Variants in MAP1LC3A observed in about 807,000 individuals in gnomAD.
MAP1LC3A encodes the protein microtubule associated protein 1 light chain 3 alpha, also known as microtubule-associated protein 1 light chain 3 alpha.
Under a neutral mutation model 15.2 loss-of-function variants are expected in MAP1LC3A, and 10 were observed. That is an observed-to-expected ratio of 0.66 (90% CI 0.41 to 1.12). MAP1LC3A has a LOEUF of 1.12. Among genes scored for constraint, MAP1LC3A ranks in the 50% most tolerant of loss-of-function variants. The probability of loss-of-function intolerance (pLI) is 0.00; values close to 1 mark genes in which losing one functional copy is unlikely to be tolerated. For missense variants in MAP1LC3A, 138 were observed against 167.3 expected (o/e 0.82, Z 0.97); for synonymous variants, 63 against 64.3 (o/e 0.98, Z 0.10).
At chr20:34,552,129 C>T (rs531832852) in intron 2 of MAP1LC3A, among the ~76,000 whole-genome samples, 3 of 152,356 alleles carry the variant, frequency 2.0e-5, no homozygotes, top group Admixed American at 6.5e-5. Flanking sequence ...TCCCCAGTGG[C>T]TGGGATTACA....
chr20:34,550,433 AAAT>A (rs967423459), intron 2 of MAP1LC3A, among the ~76,000 whole-genome samples: 7 of 152,240 alleles, frequency 4.6e-5, no homozygotes, highest in Non-Finnish European at 7.3e-5. Context: ...TCACTTATCC[AAAT>A]AATAATTACT....
upstream of MAP1LC3A, chr20:34,558,471 C>A: frequency 9.9e-7 from 1 of 1,011,210 alleles, no homozygotes; most frequent in Non-Finnish European, 1.2e-6. The surrounding 1 kb of genome is among the most constrained non-coding windows in gnomAD (Gnocchi z 4.3). Context: ...CCCGCTCCAT[C>A]GGCCTAGGGC....
rs565174290 is a variant in MAP1LC3A at position 34,559,925 on chromosome 20, G to T, written c.*27G>T. On this transcript the variant is annotated 3_prime_UTR_variant, in exon 4 of 4. Transcript: ENST00000360668. ...CCAGCAGTAGGGGGGCTCGGCCTGGGAGTCGGGCGGCCCCGGTCAGGCCCT... is the reference window on the plus strand; with the variant it reads ...CCAGCAGTAGGGGGGCTCGGCCTGGTAGTCGGGCGGCCCCGGTCAGGCCCT... 2.4e-5 allele frequency: 39 copies of T among 1,598,006 alleles called. No homozygotes were observed. The South Asian group carries it at 4.2e-4, about 17-fold the overall frequency.
At position 34,559,980 on chromosome 20, in the gene MAP1LC3A, G is replaced by A. The variant is rs1982382338; in HGVS notation, c.*82G>A. Reference sequence around the variant, plus strand: ...AGAGAGCTCCTGGTTCCTGAACTGAGCTGCCTCTACCGTGGTGGGCTGGGC... The same window carrying A: ...AGAGAGCTCCTGGTTCCTGAACTGAACTGCCTCTACCGTGGTGGGCTGGGC... On this transcript the variant is annotated 3_prime_UTR_variant, in exon 4 of 4. Transcript: ENST00000360668. The A allele has an allele frequency of 6.8e-7, 1 of 1,460,024 alleles. No individual in the cohort carries two copies. The allele number at this position is 1,460,024 out of a possible 1,614,324, so 90.4% of individuals were successfully genotyped here.
chr20:34,554,241 A>G (rs1264138177), upstream of MAP1LC3A, among the ~76,000 whole-genome samples: 4 of 152,006 alleles, frequency 2.6e-5, no homozygotes, highest in Non-Finnish European at 4.4e-5. Context: ...GGACCCCTGT[A>G]CAATACTGAA....
chr20:34,547,182 G>A (rs902671167), intron 1 of MAP1LC3A, among the ~76,000 whole-genome samples: 1 of 152,106 alleles, frequency 6.6e-6, no homozygotes, highest in Non-Finnish European at 1.5e-5. Context: ...GGAGTTTGAC[G>A]GGTTCGGCAG....
intron 2 of MAP1LC3A, among the ~76,000 whole-genome samples, chr20:34,552,318 GA>G (rs1460362422): frequency 6.6e-6 from 1 of 152,262 alleles, no homozygotes; most frequent in African/African-American, 2.4e-5. Flanking sequence ...GTTAATGGCA[GA>G]ATGTAACTGG....
upstream of MAP1LC3A, among the ~76,000 whole-genome samples, chr20:34,554,556 T>C (rs887199749): frequency 4.0e-5 from 6 of 151,866 alleles, no homozygotes; most frequent in Non-Finnish European, 7.4e-5. Context: ...GTATTTTTAG[T>C]AGAGACGGGG....
In MAP1LC3A at chr20:34,559,414, C is replaced by T. The variant is rs748807344; in HGVS notation, c.164C>T (p.Pro55Leu). 3 of 1,613,392 alleles carry T rather than the reference C, an allele frequency of 1.9e-6. No homozygotes were observed. Among genetic ancestry groups the T allele is most frequent in the South Asian group, 1.1e-5 (1 of 90,934 alleles). ...CTGGACAAGACCAAGTTTTTGGTCC[C>T]GGACCATGTCAACATGAGCGAGTTG... ...PVLDKTKFLVPDHVNMSELVK... is the reference protein window; with the variant it reads ...PVLDKTKFLVLDHVNMSELVK... The change falls in exon 3 of 4, where the codon CCG (proline) becomes CTG (leucine). Residue 55 changes from proline (P) to leucine (L), a missense_variant. Transcript: ENST00000360668.
Position 34,559,188 on chromosome 20 carries a change from G to T in MAP1LC3A, c.41-20G>T. On this transcript the variant is annotated intron_variant, in intron 1 of 3. Coordinates refer to ENST00000360668, the MANE Select transcript of MAP1LC3A (RefSeq NM_032514.4). ...CTGGGCCGGCCCGACCCGGCCTCACGGTCTGGCCGCTGTCCGCAGCCGACC... is the reference window on the plus strand; with the variant it reads ...CTGGGCCGGCCCGACCCGGCCTCACTGTCTGGCCGCTGTCCGCAGCCGACC... 1.9e-6 allele frequency: 3 copies of T among 1,570,006 alleles called. No homozygotes were observed. Among genetic ancestry groups the T allele is most frequent in the South Asian group, 2.3e-5 (2 of 85,610 alleles).
chr20:34,548,015 G>A (rs894207258), intron 1 of MAP1LC3A, among the ~76,000 whole-genome samples: 2 of 152,148 alleles, frequency 1.3e-5, no homozygotes, highest in South Asian at 4.1e-4. Context: ...GAGGGAGGGG[G>A]GTTCCCGGAG....
At chr20:34,556,970 C>T (rs1396985612), upstream of MAP1LC3A, among the ~76,000 whole-genome samples, 6 of 152,190 alleles carry the variant, frequency 3.9e-5, no homozygotes, top group African/African-American at 1.4e-4. Flanking sequence ...CACAGAGTTC[C>T]TCCTCGCATC....
chr20:34,558,623 T>C, upstream of MAP1LC3A: 1 of 1,218,188 alleles, frequency 8.2e-7, no homozygotes, highest in Non-Finnish European at 1.0e-6. The surrounding 1 kb of genome is among the most constrained non-coding windows in gnomAD (Gnocchi z 4.3). Flanking sequence ...CTCTGCGCCG[T>C]GACGTCACGG....
At chr20:34,557,736 C>CG (rs1982211535), upstream of MAP1LC3A, among the ~76,000 whole-genome samples, 1 of 152,114 alleles carries the variant, frequency 6.6e-6, no homozygotes, top group Admixed American at 6.5e-5. Context: ...ACCATCCTGG[C>CG]CAACATGGTG....
At chr20:34,557,798 G>A (rs969325506), upstream of MAP1LC3A, among the ~76,000 whole-genome samples, 4 of 152,020 alleles carry the variant, frequency 2.6e-5, no homozygotes, top group Non-Finnish European at 5.9e-5. Context: ...GGTGGCAGGC[G>A]CCTGTAATCC....
chr20:34,555,888 G>A (rs1476056741), upstream of MAP1LC3A, among the ~76,000 whole-genome samples: 1 of 150,812 alleles, frequency 6.6e-6, no homozygotes, highest in South Asian at 2.1e-4. Flanking sequence ...TGTCGCCCAG[G>A]CTGGAGTGCA....
In MAP1LC3A at chr20:34,558,718, G is replaced by C. The variant is rs1311632292; in HGVS notation, c.-151G>C. 1 of 1,290,896 alleles carries C rather than the reference G, an allele frequency of 7.7e-7. No homozygotes were observed. Among genetic ancestry groups the C allele is most frequent in the East Asian group, 3.2e-5 (1 of 31,262 alleles). 80.0% of individuals were successfully genotyped at this position (1,290,896 alleles called of 1,614,324 possible). On this transcript the variant is annotated 5_prime_UTR_variant, in exon 1 of 4. Coordinates refer to ENST00000360668, the MANE Select transcript of MAP1LC3A (RefSeq NM_032514.4). The surrounding 1 kb of genome is among the most constrained non-coding windows in gnomAD (Gnocchi z 4.3). ...AGGAATGTTGTGACCTGACGTCACCGGGCGAGTTACCTCCCGCAGCCGCAG... is the reference window on the plus strand; with the variant it reads ...AGGAATGTTGTGACCTGACGTCACCCGGCGAGTTACCTCCCGCAGCCGCAG...
At chr20:34,548,776 A>G (rs2146668529) in intron 1 of MAP1LC3A, among the ~76,000 whole-genome samples, 1 of 149,622 alleles carries the variant, frequency 6.7e-6, no homozygotes, top group East Asian at 2.0e-4. Context: ...CACAATCTCG[A>G]CTCACTAAAA....
At chr20:34,552,110 G>A (rs1366324037) in intron 2 of MAP1LC3A, among the ~76,000 whole-genome samples, 1 of 151,952 alleles carries the variant, frequency 6.6e-6, no homozygotes, top group African/African-American at 2.4e-5. Context: ...CGATTCTCCT[G>A]CCTCAGCCTC....
Sources: allele counts gnomAD v4.1 joint callset (sites outside exome capture counted in the v4.1 genomes callset), GRCh38; gene constraint gnomAD v4.1.1; non-coding constraint Gnocchi (gnomAD v3.1); transcripts MANE v1.5; gene names NCBI Gene and HGNC (gene_info 2026-07-23, HGNC 2026-07-21).